CBR4: variants seen among roughly 807,000 people sequenced by gnomAD.
The protein encoded by CBR4 is 3-oxoacyl-[acyl-carrier-protein] reductase.
Under a neutral mutation model 21.0 loss-of-function variants are expected in CBR4, and 22 were observed. That is an observed-to-expected ratio of 1.05 (90% confidence interval 0.75 to 1.50). CBR4 has a LOEUF of 1.50. Ranked by LOEUF, CBR4 falls within the 40% of genes most tolerant of loss-of-function variation. The pLI, the probability that CBR4 is intolerant of heterozygous loss-of-function variation, is 0.00. For missense variants in CBR4, 302 were observed against 286.3 expected (o/e 1.05, Z -0.40); for synonymous variants, 100 against 104.4 (o/e 0.96, Z 0.26).
chr4:168,950,282 C>T (rs1478630039), intron 2 of CBR4, among the ~76,000 whole-genome samples: 18 of 152,206 alleles, frequency 1.2e-4, no homozygotes, highest in Admixed American at 9.8e-4. Flanking sequence ...TTTGCCGTAT[C>T]CCAGAGGTTT....
downstream of CBR4, among the ~76,000 whole-genome samples, chr4:168,985,921 G>A (rs1764677078): frequency 1.3e-5 from 2 of 152,170 alleles, no homozygotes. Flanking sequence ...TGGAGGGTGG[G>A]AGGATGGAGA....
At chr4:168,896,713 T>C (rs1755259598) in intron 2 of CBR4, 2 of 667,220 alleles carry the variant, frequency 3.0e-6, no homozygotes, top group Non-Finnish European at 5.2e-6. Flanking sequence ...TTATAAATGC[T>C]ATGACCAGTG....
At chr4:168,971,697 C>T (rs1764215397) in intron 2 of CBR4, among the ~76,000 whole-genome samples, 1 of 151,970 alleles carries the variant, frequency 6.6e-6, no homozygotes, top group East Asian at 1.9e-4. Flanking sequence ...AAATATTAGC[C>T]CTTTGTCAGA....
At chr4:168,972,878 C>T (rs998317428) in intron 2 of CBR4, among the ~76,000 whole-genome samples, 4 of 152,160 alleles carry the variant, frequency 2.6e-5, no homozygotes, top group African/African-American at 7.2e-5. Flanking sequence ...ATACTTTAAA[C>T]GCTTCCCCAT....
chr4:168,960,462 T>C (rs1490329552), intron 2 of CBR4, among the ~76,000 whole-genome samples: 1 of 152,126 alleles, frequency 6.6e-6, no homozygotes, highest in South Asian at 2.1e-4. Flanking sequence ...ATTCAGGAAG[T>C]CTTAAAGGAT....
At chr4:168,994,644 T>C (rs1560985251) in intron 4 of CBR4, among the ~76,000 whole-genome samples, 1 of 151,970 alleles carries the variant, frequency 6.6e-6, no homozygotes, top group Non-Finnish European at 1.5e-5. Flanking sequence ...AGTGGCACAA[T>C]CACGGCTCAC....
At chr4:168,991,886 A>G (rs1764943644) in intron 4 of CBR4, among the ~76,000 whole-genome samples, 1 of 152,232 alleles carries the variant, frequency 6.6e-6, no homozygotes, top group African/African-American at 2.4e-5. Context: ...TTAATGTGCA[A>G]TCTCAAAAAT....
intron 2 of CBR4, among the ~76,000 whole-genome samples, chr4:168,915,325 G>A (rs538965247): frequency 6.6e-6 from 1 of 152,272 alleles, no homozygotes; most frequent in Non-Finnish European, 1.5e-5. Context: ...CTTTAAAAGT[G>A]ACAGAGATGC....
intron 2 of CBR4, among the ~76,000 whole-genome samples, chr4:168,961,039 G>A (rs1763835017): frequency 6.6e-6 from 1 of 152,208 alleles, no homozygotes; most frequent in South Asian, 2.1e-4. Flanking sequence ...AGCCTAGAAA[G>A]TGATCACGTA....
Position 168,926,328 on chromosome 4 carries a change from G to A in CBR4, n.170-31563C>T. 1.3e-6 allele frequency: 2 copies of A among 1,537,318 alleles called. No individual in the cohort carries two copies. The highest frequency in any genetic ancestry group is 1.7e-6 in the Non-Finnish European group (2 of 1,146,850). On this transcript the variant is annotated intron_variant and non_coding_transcript_variant, in intron 2 of 3. Coordinates refer to the CBR4 transcript ENST00000509108. The stretch of plus-strand genomic sequence containing the variant: ...ACATCAAAGCAGCGTTCCAACCTGA[G>A]GCCAACCCATCTCACCTGACACTGA...
At chr4:169,000,424 T>C (rs151009549) in intron 4 of CBR4, among the ~76,000 whole-genome samples, 1 of 151,750 alleles carries the variant, frequency 6.6e-6, no homozygotes, top group Admixed American at 6.6e-5. Flanking sequence ...AGACACACTA[T>C]AGACCAAAAG....
chr4:168,915,783 A>C, intron 2 of CBR4: 1 of 794,574 alleles, frequency 1.3e-6, no homozygotes, highest in Non-Finnish European at 2.1e-6. Context: ...TGTAGGGATC[A>C]GATAAGGAAA....
At chr4:168,896,103 G>A (rs1755083907) in intron 2 of CBR4, among the ~76,000 whole-genome samples, 2 of 152,058 alleles carry the variant, frequency 1.3e-5, no homozygotes, top group South Asian at 2.1e-4. Flanking sequence ...CCAGCTACGC[G>A]GGAGGCTGAG....
intron 2 of CBR4, chr4:168,921,684 T>C: frequency 6.2e-7 from 1 of 1,611,470 alleles, no homozygotes; most frequent in Non-Finnish European, 8.5e-7. Flanking sequence ...CATCTACACA[T>C]GTATAGCTAC....
chr4:168,901,985 C>T (rs530952265), intron 2 of CBR4, among the ~76,000 whole-genome samples: 22 of 152,248 alleles, frequency 1.4e-4, no homozygotes, highest in East Asian at 1.2e-3. Flanking sequence ...GAGTTTAATA[C>T]GTAATATAGT....
intron 2 of CBR4, among the ~76,000 whole-genome samples, chr4:168,976,874 T>C (rs1009512798): frequency 1.3e-5 from 2 of 152,266 alleles, no homozygotes; most frequent in African/African-American, 4.8e-5. Flanking sequence ...GATCTTCACT[T>C]GCTTCAGGCC....
rs1370111132 is a variant in CBR4 at position 169,010,233 on chromosome 4, A to G, written c.-144T>C. On this transcript the variant is annotated 5_prime_UTR_variant, in exon 1 of 5. Transcript: ENST00000306193. ...GCAAAAAAAAATAACGCCGCTCGAC[A>G]CCTCCTGCAGCCGCACAATAGTAAT... The G allele has an allele frequency of 8.4e-6, 6 of 717,380 alleles. No homozygotes were observed. The highest frequency in any genetic ancestry group is 6.3e-5 in the South Asian group (3 of 47,756). The allele number at this position is 717,380 out of a possible 1,614,324, so 44.4% of individuals were successfully genotyped here. A position where few individuals can be genotyped will look rare whatever the true frequency, so the allele number is the denominator to read the frequency against.
chr4:168,966,064 T>A (rs1764016214), intron 2 of CBR4, among the ~76,000 whole-genome samples: 1 of 151,972 alleles, frequency 6.6e-6, no homozygotes, highest in African/African-American at 2.4e-5. Flanking sequence ...AAAACAACCA[T>A]ATCAGAAAGT....
chr4:168,985,608 C>G (rs1764664811), downstream of CBR4, among the ~76,000 whole-genome samples: 1 of 152,060 alleles, frequency 6.6e-6, no homozygotes, highest in Admixed American at 6.6e-5. Flanking sequence ...CTGTTCACAA[C>G]AGCAAAGACA....
Sources: allele counts gnomAD v4.1 joint callset (sites outside exome capture counted in the v4.1 genomes callset), GRCh38; gene constraint gnomAD v4.1.1; transcripts MANE v1.5; gene names NCBI Gene and HGNC (gene_info 2026-07-23, HGNC 2026-07-21).